Variants in CCR3 observed in about 807,000 individuals in gnomAD.
CCR3 encodes C-C motif chemokine receptor 3.
For synonymous variants in CCR3, 203 were observed against 179.2 expected, an observed-to-expected ratio of 1.13 and a Z score of -1.06; for missense variants, 419 against 437.5, an observed-to-expected ratio of 0.96 and a Z score of 0.38.
intron 1 of CCR3, 130 bp downstream of exon 1, chr3:46,242,668 G>C (rs960030492): frequency 6.6e-6 from 1 of 151,940 alleles, no homozygotes; most frequent in African/African-American, 2.4e-5. Context: ...TTTAGAGGTA[G>C]TATGGGGCCA....
intron 1 of CCR3, among the ~76,000 whole-genome samples, chr3:46,253,441 G>A (rs1291606577): frequency 2.6e-5 from 4 of 152,138 alleles, no homozygotes; most frequent in African/African-American, 7.2e-5. Context: ...GGATGGATAC[G>A]CTTGGCTTCT....
chr3:46,218,222 G>A (rs1699797769), intron 2 of CCR3, among the ~76,000 whole-genome samples: 1 of 151,900 alleles, frequency 6.6e-6, no homozygotes, highest in Non-Finnish European at 1.5e-5. Flanking sequence ...ACCTAGAGGA[G>A]ATGGATAAAT....
intron 1 of CCR3, among the ~76,000 whole-genome samples, chr3:46,259,245 T>C (rs574434577): frequency 6.6e-6 from 1 of 152,350 alleles, no homozygotes; most frequent in South Asian, 2.1e-4. Context: ...AGTCTTTCTA[T>C]GAATTTCATG....
intron 2 of CCR3, among the ~76,000 whole-genome samples, chr3:46,230,782 C>T (rs542206479): frequency 9.9e-5 from 15 of 152,236 alleles, no homozygotes; most frequent in East Asian, 1.9e-4. Context: ...TCATCTTTAT[C>T]GGTGTTAAGG....
chr3:46,227,548 G>A (rs1037792538), intron 2 of CCR3, among the ~76,000 whole-genome samples: 3 of 150,042 alleles, frequency 2.0e-5, no homozygotes, highest in African/African-American at 7.4e-5. Flanking sequence ...CTTTATTTTT[G>A]TCTCCTTTCT....
chr3:46,251,929 G>A (rs1700321872), intron 1 of CCR3, among the ~76,000 whole-genome samples: 1 of 152,054 alleles, frequency 6.6e-6, no homozygotes, highest in African/African-American at 2.4e-5. Context: ...CTTCTTTTGT[G>A]GTGGAGTGTC....
chr3:46,217,088 A>G (rs1699783735), intron 2 of CCR3, among the ~76,000 whole-genome samples: 1 of 152,212 alleles, frequency 6.6e-6, no homozygotes, highest in African/African-American at 2.4e-5. Flanking sequence ...CCAAACTCAC[A>G]TAAACTTAAG....
chr3:46,214,492 CTTCATCTGGGACTCAGG>C (rs1381666620), intron 2 of CCR3, among the ~76,000 whole-genome samples: 1 of 152,138 alleles, frequency 6.6e-6, no homozygotes, highest in Non-Finnish European at 1.5e-5. Flanking sequence ...AATTTAGCAG[CTTCATCTGGGACTCAGG>C]TTCCTCCCAT....
chr3:46,259,033 G>A (rs1463572765), intron 1 of CCR3, among the ~76,000 whole-genome samples: 1 of 152,186 alleles, frequency 6.6e-6, no homozygotes, highest in Non-Finnish European at 1.5e-5. Context: ...TTGGCTTGCA[G>A]TTTGAATGTC....
chr3:46,231,587 C>T (rs917427492), intron 2 of CCR3, among the ~76,000 whole-genome samples: 2 of 152,112 alleles, frequency 1.3e-5, no homozygotes, highest in Admixed American at 6.6e-5. Flanking sequence ...AACACTGCAT[C>T]GTATACTTAA....
chr3:46,219,955 A>G (rs1356745763), intron 2 of CCR3, among the ~76,000 whole-genome samples: 1 of 152,256 alleles, frequency 6.6e-6, no homozygotes, highest in East Asian at 1.9e-4. Context: ...CCAAGAACCC[A>G]AAAGCAAATG....
At chr3:46,220,056 C>G (rs181443724) in intron 2 of CCR3, among the ~76,000 whole-genome samples, 6 of 152,112 alleles carry the variant, frequency 3.9e-5, no homozygotes, top group African/African-American at 1.2e-4. Flanking sequence ...AACAGACAAC[C>G]CACAGAGTGG....
chr3:46,246,590 G>A (rs1378163216), intron 1 of CCR3, among the ~76,000 whole-genome samples: 1 of 152,056 alleles, frequency 6.6e-6, no homozygotes, highest in Non-Finnish European at 1.5e-5. Context: ...TGCTTTTGTG[G>A]TGGAATGTCA....
intron 1 of CCR3, among the ~76,000 whole-genome samples, chr3:46,247,979 A>G (rs1413933194): frequency 6.6e-6 from 1 of 152,142 alleles, no homozygotes; most frequent in African/African-American, 2.4e-5. Context: ...AGGTTCTAAG[A>G]GGCAGGCTAG....
chr3:46,248,593 T>C (rs1242626018), intron 1 of CCR3, among the ~76,000 whole-genome samples: 1 of 152,102 alleles, frequency 6.6e-6, no homozygotes, highest in Non-Finnish European at 1.5e-5. Flanking sequence ...ACGTGTGTTT[T>C]TATGAGAATT....
At chr3:46,258,168 G>A (rs1700462610) in intron 1 of CCR3, among the ~76,000 whole-genome samples, 1 of 152,294 alleles carries the variant, frequency 6.6e-6, no homozygotes, top group Admixed American at 6.5e-5. Flanking sequence ...CAAGTTTCTA[G>A]TTATTCCTTT....
At chr3:46,233,516 G>T (rs1280827881) in intron 2 of CCR3, among the ~76,000 whole-genome samples, 2 of 152,104 alleles carry the variant, frequency 1.3e-5, no homozygotes, top group Non-Finnish European at 2.9e-5. Context: ...TTCTGCGTGT[G>T]TTGTTGTTGT....
intron 1 of CCR3, among the ~76,000 whole-genome samples, chr3:46,263,077 C>G (rs1348261655): frequency 2.0e-5 from 3 of 152,154 alleles, no homozygotes; most frequent in Non-Finnish European, 4.4e-5. Flanking sequence ...ATAGGCAGCC[C>G]TGAAACCCAA....
At chr3:46,212,479 C>A (rs544197009) in intron 2 of CCR3, among the ~76,000 whole-genome samples, 35 of 141,966 alleles carry the variant, frequency 2.5e-4, no homozygotes, top group African/African-American at 8.4e-4. Context: ...CCCTCTTGGC[C>A]CCCCTACCAC....
Sources: gnomAD v4.1 joint callset for allele counts (sites outside exome capture counted in the v4.1 genomes callset) on GRCh38, gnomAD v4.1.1 for gene constraint, MANE v1.5 for transcripts, NCBI Gene and HGNC (gene_info 2026-07-23, HGNC 2026-07-21) for gene names.